The following DENND5A variants were observed in gnomAD, a reference collection of about 807,000 sequenced individuals.
The protein encoded by DENND5A is DENN domain-containing protein 5A.
A neutral mutation model predicts 140.3 loss-of-function variants in DENND5A; 64 were observed. That is an observed-to-expected ratio of 0.46 (90% confidence interval 0.37 to 0.56). The LOEUF is 0.56. Among genes scored for constraint, DENND5A ranks in the 20% least tolerant of loss-of-function variants. DENND5A has a pLI of 0.00. For synonymous variants in DENND5A, 605 were observed against 607.7 expected (o/e 1.00, Z 0.07); for missense variants, 1,292 against 1,593.8 (o/e 0.81, Z 3.22).
chr11:9,224,623 G>A (rs1850454892), intron 1 of DENND5A, among the ~76,000 whole-genome samples: 1 of 152,092 alleles, frequency 6.6e-6, no homozygotes, highest in Non-Finnish European at 1.5e-5. Flanking sequence ...CACTTTGGGA[G>A]GCTGAGGCAG....
At chr11:9,255,592 G>A (rs1409136364) in intron 1 of DENND5A, among the ~76,000 whole-genome samples, 2 of 151,984 alleles carry the variant, frequency 1.3e-5, no homozygotes, top group African/African-American at 2.4e-5. Context: ...ATTGACTGGC[G>A]CAGTGGCTCT....
chr11:9,153,324 G>A (rs1396824859), intron 12 of DENND5A, among the ~76,000 whole-genome samples: 1 of 107,512 alleles, frequency 9.3e-6, no homozygotes, highest in African/African-American at 3.9e-5. Flanking sequence ...CAGCCTGGGT[G>A]ACAGAATGAG....
chr11:9,164,056 G>GTTTGTTTTT (rs1848088296), intron 11 of DENND5A, among the ~76,000 whole-genome samples: 1 of 57,958 alleles, frequency 1.7e-5, no homozygotes, highest in Non-Finnish European at 3.2e-5. Context: ...TATTAATCAG[G>GTTTGTTTTT]TTTTTTTTTT....
rs768919792 is a variant in DENND5A at position 9,180,880 on chromosome 11, T to A, written c.1342A>T (p.Arg448Trp). Residue 448 changes from arginine (R) to tryptophan (W), a missense_variant, in exon 6 of 23, where the codon AGG (arginine) becomes TGG (tryptophan). Physicochemically the swap from Arg to Trp is moderately radical, Grantham distance 101. Coordinates refer to ENST00000328194, the MANE Select transcript of DENND5A (RefSeq NM_015213.4). ...LRASELVSDK[R>W]NGNIAGSPLH... ...GGGGAGCCAGCAATGTTCCCATTCC[T>A]CTTGTCCGAGACAAGCTCAGAGGCC... 3 of 1,614,216 alleles carry A rather than the reference T, an allele frequency of 1.9e-6. No homozygotes were observed. Among genetic ancestry groups the A allele is most frequent in the Non-Finnish European group, 2.5e-6 (3 of 1,180,046 alleles).
At chr11:9,244,014 G>A (rs555996986) in intron 1 of DENND5A, among the ~76,000 whole-genome samples, 22 of 152,244 alleles carry the variant, frequency 1.4e-4, no homozygotes, top group African/African-American at 5.3e-4. Context: ...TGTGTTATTG[G>A]TAAGGTTTCC....
At chr11:9,188,042 C>T (rs554598828) in intron 5 of DENND5A, among the ~76,000 whole-genome samples, 13 of 152,238 alleles carry the variant, frequency 8.5e-5, no homozygotes, top group Admixed American at 1.3e-4. Context: ...CCAGCCCTGC[C>T]GGATATGGTT....
chr11:9,199,761 T>C (rs917926914), intron 4 of DENND5A, among the ~76,000 whole-genome samples: 17 of 152,230 alleles, frequency 1.1e-4, no homozygotes, highest in African/African-American at 3.9e-4. Flanking sequence ...CAAAATCAAC[T>C]GCAGTGGTGA....
At chr11:9,262,661 G>A (rs1852255786) in intron 1 of DENND5A, among the ~76,000 whole-genome samples, 1 of 151,948 alleles carries the variant, frequency 6.6e-6, no homozygotes, top group Non-Finnish European at 1.5e-5. Context: ...ATATGAAAAA[G>A]ATGAAAAACA....
At chr11:9,183,575 G>C (rs1215338834) in intron 5 of DENND5A, among the ~76,000 whole-genome samples, 1 of 151,850 alleles carries the variant, frequency 6.6e-6, no homozygotes, top group African/African-American at 2.4e-5. Context: ...ATCACACCTG[G>C]CTAATTGTTG....
At chr11:9,246,134 T>G (rs1444110879) in intron 1 of DENND5A, among the ~76,000 whole-genome samples, 1 of 152,164 alleles carries the variant, frequency 6.6e-6, no homozygotes, top group Admixed American at 6.6e-5. Context: ...TAGCTAGCCC[T>G]AGAAGTGACT....
chr11:9,263,811 C>T (rs1485622007), intron 1 of DENND5A, among the ~76,000 whole-genome samples: 1 of 141,550 alleles, frequency 7.1e-6, no homozygotes, highest in Non-Finnish European at 1.5e-5. Context: ...CACTGCAGTC[C>T]GCAGTCCGGC....
chr11:9,148,409 GCC>G (rs1173071746), intron 15 of DENND5A, among the ~76,000 whole-genome samples: 2 of 151,934 alleles, frequency 1.3e-5, no homozygotes, highest in African/African-American at 2.4e-5. Context: ...TTTGCAATCT[GCC>G]CAGTAAGTAA....
intron 1 of DENND5A, among the ~76,000 whole-genome samples, chr11:9,236,104 T>C (rs1329540645): frequency 1.3e-5 from 2 of 151,330 alleles, no homozygotes; most frequent in East Asian, 3.9e-4. Context: ...AGCCCAGTAG[T>C]CCCAGCTACT....
At position 9,186,783 on chromosome 11, in the gene DENND5A, G is replaced by T. The variant is rs1280742490; in HGVS notation, c.1138-5699C>A. On this transcript the variant is annotated intron_variant, in intron 5 of 22. Coordinates refer to ENST00000328194, the MANE Select transcript of DENND5A (RefSeq NM_015213.4). ...TTGGTTGAAGTTAATATACCCTAGAGACTGAGTTTTAAAAGAGCCGGGTGC... is the reference window on the plus strand; with the variant it reads ...TTGGTTGAAGTTAATATACCCTAGATACTGAGTTTTAAAAGAGCCGGGTGC... 2.6e-5 allele frequency among the ~76,000 whole-genome samples: 4 copies of T among 152,128 alleles called. No individual in the cohort carries two copies. In the East Asian group the frequency reaches 7.7e-4, roughly 29 times the overall value.
intron 9 of DENND5A, chr11:9,170,426 G>A (rs377703089): frequency 5.8e-6 from 3 of 519,164 alleles, no homozygotes; most frequent in East Asian, 1.5e-4. Flanking sequence ...ATCCCAATCT[G>A]CATAGTGGAG....
At position 9,179,046 on chromosome 11, in the gene DENND5A, T is replaced by G. The variant is rs758100539; in HGVS notation, c.1483A>C (p.Asn495His). The G allele has an allele frequency of 1.6e-5, 26 of 1,614,020 alleles. No homozygotes were observed. The South Asian group carries it at 2.6e-4, about 16-fold the overall frequency. ...TCACACTGAACTTTGAGATCCTTAT[T>G]GCTGCTGGGGTCTTCACGCACTTCC... Reference protein sequence around the residue: ...KLEVREDPSSNKDLKVQCDEE... With the variant: ...KLEVREDPSSHKDLKVQCDEE... The change falls in exon 7 of 23, where the codon AAT (asparagine) becomes CAT (histidine). Residue 495 changes from asparagine to histidine, a missense_variant. By Grantham distance (68) the Asn-to-His change is moderately conservative. Coordinates refer to ENST00000328194, the MANE Select transcript of DENND5A (RefSeq NM_015213.4).
At chr11:9,263,997 G>GGAGTCCC (rs1852332302) in intron 1 of DENND5A, among the ~76,000 whole-genome samples, 1 of 152,064 alleles carries the variant, frequency 6.6e-6, no homozygotes. Flanking sequence ...AAAGTGAAAA[G>GGAGTCCC]GAGTCCCCCT....
intron 1 of DENND5A, among the ~76,000 whole-genome samples, chr11:9,216,641 G>T (rs1850104407): frequency 6.6e-6 from 1 of 152,220 alleles, no homozygotes; most frequent in African/African-American, 2.4e-5. Flanking sequence ...AGCAGGGCAG[G>T]GGACTGTGGC....
chr11:9,165,275 C>A (rs1217941155), intron 11 of DENND5A, among the ~76,000 whole-genome samples: 1 of 152,154 alleles, frequency 6.6e-6, no homozygotes, highest in Non-Finnish European at 1.5e-5. Context: ...GCTGGGATTA[C>A]AGGTGTGAGC....
Sources: allele counts gnomAD v4.1 joint callset (sites outside exome capture counted in the v4.1 genomes callset), GRCh38; gene constraint gnomAD v4.1.1; transcripts MANE v1.5; gene names NCBI Gene and HGNC (gene_info 2026-07-23, HGNC 2026-07-21).